The following PTPRM variants were observed in gnomAD, a reference collection of about 807,000 sequenced individuals.
The protein encoded by PTPRM is protein tyrosine phosphatase receptor type M, also known as receptor-type tyrosine-protein phosphatase mu.
In PTPRM, 47 loss-of-function variants were observed where a neutral mutation model predicts 186.7. The ratio of observed to expected loss-of-function variants is 0.25; its 90% CI spans 0.20 to 0.32. PTPRM has a LOEUF of 0.32. Ranked by LOEUF, PTPRM falls within the 10% of genes least tolerant of loss-of-function variation. The pLI, the probability that PTPRM is intolerant of heterozygous loss-of-function variation, is 1.00. For synonymous variants in PTPRM, 668 were observed against 674.9 expected (o/e 0.99, Z 0.16); for missense variants, 1,494 against 1,865.0 (o/e 0.80, Z 3.66).
chr18:7,781,953 C>A (rs1290930561), intron 2 of PTPRM, among the ~76,000 whole-genome samples: 8 of 152,124 alleles, frequency 5.3e-5, no homozygotes, highest in Non-Finnish European at 1.2e-4. Flanking sequence ...AGTGAGCATT[C>A]GTCCTCCCTA....
intron 11 of PTPRM, among the ~76,000 whole-genome samples, chr18:8,110,577 A>T (rs537693232): frequency 6.6e-6 from 1 of 152,158 alleles, no homozygotes; most frequent in Non-Finnish European, 1.5e-5. Context: ...AGCTCCTTGC[A>T]GGTTGAGAGA....
At chr18:8,086,525 A>G (rs746976227) in intron 10 of PTPRM, among the ~76,000 whole-genome samples, 8 of 151,832 alleles carry the variant, frequency 5.3e-5, no homozygotes, top group Non-Finnish European at 8.8e-5. Flanking sequence ...TTGCATGAAT[A>G]TTTTTTCCCA....
intron 11 of PTPRM, among the ~76,000 whole-genome samples, chr18:8,100,093 G>C (rs2091219468): frequency 6.6e-6 from 1 of 152,004 alleles, no homozygotes; most frequent in Non-Finnish European, 1.5e-5. Flanking sequence ...GTGAAAGCAG[G>C]AGCAAGGCAG....
chr18:8,048,264 C>G (rs758434292), intron 7 of PTPRM, among the ~76,000 whole-genome samples: 5 of 151,744 alleles, frequency 3.3e-5, no homozygotes, highest in Non-Finnish European at 7.4e-5. Context: ...GTAAACTGCT[C>G]TTTATTAAGG....
intron 22 of PTPRM, among the ~76,000 whole-genome samples, chr18:8,322,826 T>C (rs1310723766): frequency 1.3e-5 from 2 of 152,068 alleles, no homozygotes; most frequent in African/African-American, 2.4e-5. Context: ...GATTTTTGTT[T>C]GGTTTTGTTT....
chr18:7,695,363 A>G (rs575949687), intron 1 of PTPRM, among the ~76,000 whole-genome samples: 1 of 152,174 alleles, frequency 6.6e-6, no homozygotes, highest in African/African-American at 2.4e-5. Context: ...TCTTCGAGTC[A>G]CTAGAGATGG....
intron 14 of PTPRM, among the ~76,000 whole-genome samples, chr18:8,176,210 AG>A (rs2146522234): frequency 2.0e-5 from 3 of 148,172 alleles, no homozygotes; most frequent in Non-Finnish European, 4.5e-5. Flanking sequence ...TATAATAGAG[AG>A]AGAGAGAGAG....
intron 2 of PTPRM, among the ~76,000 whole-genome samples, chr18:7,850,885 G>A (rs1351695514): frequency 6.6e-6 from 1 of 152,120 alleles, no homozygotes; most frequent in African/African-American, 2.4e-5. Flanking sequence ...AGCACAAAAA[G>A]TATACAAATA....
At chr18:8,169,174 C>T (rs182668227) in intron 14 of PTPRM, among the ~76,000 whole-genome samples, 1 of 152,170 alleles carries the variant, frequency 6.6e-6, no homozygotes, top group East Asian at 1.9e-4. Flanking sequence ...AACACCACAC[C>T]TAGCAAGAAG....
At chr18:8,344,403 C>A (rs201647452) in intron 23 of PTPRM, among the ~76,000 whole-genome samples, 3 of 144,732 alleles carry the variant, frequency 2.1e-5, no homozygotes, top group Non-Finnish European at 3.0e-5. Context: ...TATATACATA[C>A]ACACAATATA....
chr18:7,786,401 G>A (rs2145151568), intron 2 of PTPRM, among the ~76,000 whole-genome samples: 1 of 152,206 alleles, frequency 6.6e-6, no homozygotes, highest in African/African-American at 2.4e-5. Flanking sequence ...TATGCTTTGA[G>A]TCCTCTAATA....
At chr18:7,991,641 G>A (rs573496219) in intron 7 of PTPRM, among the ~76,000 whole-genome samples, 175 of 152,242 alleles carry the variant, frequency 1.1e-3, no homozygotes, top group African/African-American at 3.9e-3. Context: ...ACCCAATCTA[G>A]CAACTTTGTG....
chr18:8,171,743 C>T (rs1387058870), intron 14 of PTPRM, among the ~76,000 whole-genome samples: 1 of 152,036 alleles, frequency 6.6e-6, no homozygotes. Flanking sequence ...TACAGATGCT[C>T]CTGGACTTTT....
At chr18:8,099,030 C>T (rs1274570678) in intron 11 of PTPRM, among the ~76,000 whole-genome samples, 1 of 152,058 alleles carries the variant, frequency 6.6e-6, no homozygotes, top group Non-Finnish European at 1.5e-5. Context: ...TGGTTCCATG[C>T]CATTTTGTGG....
At chr18:8,018,417 G>A (rs557878710) in intron 7 of PTPRM, among the ~76,000 whole-genome samples, 2 of 152,334 alleles carry the variant, frequency 1.3e-5, no homozygotes, top group African/African-American at 4.8e-5. Context: ...CAAGTTGCTT[G>A]TTACGCACCC....
intron 15 of PTPRM, among the ~76,000 whole-genome samples, chr18:8,246,015 A>G (rs1011287504): frequency 1.2e-4 from 19 of 152,224 alleles, no homozygotes; most frequent in African/African-American, 2.9e-4. Context: ...CCTTCCTTCA[A>G]TAAAGCCAAC....
At chr18:7,727,850 T>A (rs1279850769) in intron 1 of PTPRM, among the ~76,000 whole-genome samples, 2 of 152,238 alleles carry the variant, frequency 1.3e-5, no homozygotes, top group East Asian at 3.8e-4. Context: ...GATCATCTCC[T>A]GTGTGCCAGG....
chr18:8,069,772 G>T lies in PTPRM; in HGVS notation c.1219G>T (p.Val407Leu). ...CCGCTGGGAGCCATTTGGATATAAT[G>T]TAACTCGTTGCCACAGTTATAATCT... is the stretch of plus-strand genomic sequence containing the variant. ...TIRWEPFGYN[V>L]TRCHSYNLTV... Residue 407 changes from valine to leucine, a missense_variant, in exon 8 of 33, where the codon GTA (valine) becomes TTA (leucine). By Grantham distance (32) the Val-to-Leu change is conservative. Transcript: ENST00000580170. 3 of 1,613,844 alleles carry T rather than the reference G, an allele frequency of 1.9e-6. No homozygotes were observed. The highest frequency in any genetic ancestry group is 2.5e-6 in the Non-Finnish European group (3 of 1,179,720).
At chr18:8,266,875 T>A (rs939457851) in intron 19 of PTPRM, among the ~76,000 whole-genome samples, 6 of 151,828 alleles carry the variant, frequency 4.0e-5, no homozygotes, top group Non-Finnish European at 7.4e-5. Flanking sequence ...ACCACTGCAC[T>A]CCAGCCTGGG....
Sources: gnomAD v4.1 joint callset for allele counts (sites outside exome capture counted in the v4.1 genomes callset) on GRCh38, gnomAD v4.1.1 for gene constraint, MANE v1.5 for transcripts, NCBI Gene and HGNC (gene_info 2026-07-23, HGNC 2026-07-21) for gene names.